Variants in SNX29 observed in about 807,000 individuals in gnomAD.
SNX29 encodes sorting nexin 29.
A neutral mutation model predicts 102.1 loss-of-function variants in SNX29; 78 were observed. That is an observed-to-expected ratio of 0.76 (90% CI 0.64 to 0.92). The LOEUF (loss-of-function observed/expected upper bound fraction) is 0.92. SNX29 is among the 40% of genes least tolerant of loss of function. The pLI, the probability that SNX29 is intolerant of heterozygous loss-of-function variation, is 0.00. For missense variants in SNX29, 1,280 were observed against 1,061.7 expected (o/e 1.21, Z -2.86); for synonymous variants, 580 against 414.5 (o/e 1.40, Z -4.85).
At chr16:12,468,505 A>G (rs561294303) in intron 18 of SNX29, among the ~76,000 whole-genome samples, 1 of 151,976 alleles carries the variant, frequency 6.6e-6, no homozygotes, top group South Asian at 2.1e-4. Context: ...ATCAAAGCTC[A>G]GCTAATCCAA....
intron 14 of SNX29, among the ~76,000 whole-genome samples, chr16:12,228,157 T>A (rs1313473791): frequency 6.6e-6 from 1 of 152,224 alleles, no homozygotes; most frequent in Non-Finnish European, 1.5e-5. Flanking sequence ...GAGTCTGCAC[T>A]TTAACAAGGC....
At chr16:12,547,827 C>G (rs1365432689) in intron 20 of SNX29, among the ~76,000 whole-genome samples, 1 of 152,198 alleles carries the variant, frequency 6.6e-6, no homozygotes, top group Non-Finnish European at 1.5e-5. Flanking sequence ...GACAGCCTTA[C>G]TGAGCCCCAG....
chr16:12,339,119 G>C (rs2081537955), intron 15 of SNX29, among the ~76,000 whole-genome samples: 1 of 152,168 alleles, frequency 6.6e-6, no homozygotes, highest in South Asian at 2.1e-4. Context: ...TGTAATTCCA[G>C]CATTTTGGGA....
chr16:12,099,885 C>G (rs1016450785), intron 11 of SNX29, among the ~76,000 whole-genome samples: 1 of 152,126 alleles, frequency 6.6e-6, no homozygotes, highest in African/African-American at 2.4e-5. Context: ...GAGTGGCACT[C>G]TCCTGTGAGC....
At chr16:12,374,041 T>C (rs1215999595) in intron 16 of SNX29, 6 of 152,232 alleles carry the variant, frequency 3.9e-5, no homozygotes, top group Non-Finnish European at 8.8e-5. Flanking sequence ...GGGAAGCTAA[T>C]GGTGGAGGAG....
At chr16:12,153,370 C>G (rs2055381184) in intron 13 of SNX29, among the ~76,000 whole-genome samples, 1 of 152,108 alleles carries the variant, frequency 6.6e-6, no homozygotes, top group Non-Finnish European at 1.5e-5. Context: ...CACTCTGGAT[C>G]TCTTGGCCGG....
intron 19 of SNX29, among the ~76,000 whole-genome samples, chr16:12,493,825 C>CA (rs997228928): frequency 6.6e-6 from 1 of 152,216 alleles, no homozygotes; most frequent in African/African-American, 2.4e-5. Context: ...CTCCTGACCT[C>CA]AGATGATCCA....
At chr16:12,282,864 C>G (rs1490677655) in intron 15 of SNX29, among the ~76,000 whole-genome samples, 1 of 152,172 alleles carries the variant, frequency 6.6e-6, no homozygotes, top group Non-Finnish European at 1.5e-5. Flanking sequence ...ATCGTGTTGG[C>G]CAGGCTGGTC....
At chr16:12,437,639 C>T (rs2151654473) in intron 18 of SNX29, among the ~76,000 whole-genome samples, 1 of 152,302 alleles carries the variant, frequency 6.6e-6, no homozygotes. Flanking sequence ...TCCTTCCCCA[C>T]CCATAGCTGC....
intron 20 of SNX29, among the ~76,000 whole-genome samples, chr16:12,549,001 C>T (rs572638855): frequency 6.6e-6 from 1 of 152,174 alleles, no homozygotes; most frequent in East Asian, 1.9e-4. Flanking sequence ...TGCTTTGGGT[C>T]CGTTGTAACA....
intron 16 of SNX29, among the ~76,000 whole-genome samples, chr16:12,377,096 CT>C (rs1294094175): frequency 5.3e-5 from 8 of 152,176 alleles, no homozygotes; most frequent in African/African-American, 1.9e-4. Flanking sequence ...AATGGCCAGA[CT>C]TTCTGTGTTC....
At chr16:12,027,816 C>G (rs2057236149) in intron 4 of SNX29, 1 of 167,330 alleles carries the variant, frequency 6.0e-6, no homozygotes, top group East Asian at 1.7e-4. Flanking sequence ...TCCATACCAG[C>G]AACAGAAACC....
At chr16:12,105,832 A>G (rs1239830272) in intron 11 of SNX29, among the ~76,000 whole-genome samples, 1 of 152,164 alleles carries the variant, frequency 6.6e-6, no homozygotes, top group Non-Finnish European at 1.5e-5. Context: ...GAGATCTGCA[A>G]AGCTCTTTTT....
intron 14 of SNX29, among the ~76,000 whole-genome samples, chr16:12,204,946 C>T (rs558974422): frequency 2.0e-5 from 3 of 151,092 alleles, no homozygotes; most frequent in African/African-American, 4.9e-5. Flanking sequence ...CACCCATGTG[C>T]GCTTTGTGCT....
chr16:12,061,937 T>C (rs2050792753), intron 9 of SNX29, among the ~76,000 whole-genome samples: 1 of 152,122 alleles, frequency 6.6e-6, no homozygotes, highest in South Asian at 2.1e-4. Context: ...CAGTGGCCCG[T>C]TGAACTTGGT....
chr16:12,554,729 C>T (rs1045522842), intron 20 of SNX29, among the ~76,000 whole-genome samples: 4 of 152,158 alleles, frequency 2.6e-5, no homozygotes, highest in African/African-American at 4.8e-5. Context: ...TTCAGTCTTT[C>T]AGTTTGCATT....
At chr16:12,425,252 G>T (rs377483901) in intron 18 of SNX29, among the ~76,000 whole-genome samples, 8 of 152,224 alleles carry the variant, frequency 5.3e-5, no homozygotes, top group African/African-American at 1.7e-4. Context: ...GGAGAGAGCA[G>T]AAAGCTGGAT....
chr16:12,327,860 T>C (rs1395930978), intron 15 of SNX29, among the ~76,000 whole-genome samples: 1 of 152,170 alleles, frequency 6.6e-6, no homozygotes, highest in Non-Finnish European at 1.5e-5. Context: ...GGTCTGAGCA[T>C]CATTCTACTG....
At chr16:12,035,886 G>T (rs1475079548) in intron 4 of SNX29, among the ~76,000 whole-genome samples, 1 of 152,076 alleles carries the variant, frequency 6.6e-6, no homozygotes, top group African/African-American at 2.4e-5. Context: ...GATAAAGCTG[G>T]CTTCATCCCG....
Sources: allele counts gnomAD v4.1 joint callset (sites outside exome capture counted in the v4.1 genomes callset), GRCh38; gene constraint gnomAD v4.1.1; transcripts MANE v1.5; gene names NCBI Gene and HGNC (gene_info 2026-07-23, HGNC 2026-07-21).